Variants in CPEB3 observed in about 807,000 individuals in gnomAD.
CPEB3 encodes cytoplasmic polyadenylation element-binding protein 3.
CPEB3 carries 20 observed loss-of-function variants against 67.2 expected under a neutral mutation model. That is an observed-to-expected ratio of 0.30 (90% CI 0.21 to 0.43). The LOEUF (loss-of-function observed/expected upper bound fraction) is 0.43, where lower values mean the gene tolerates loss of function less well. Among genes scored for constraint, CPEB3 ranks in the 20% least tolerant of loss-of-function variants. The probability of loss-of-function intolerance (pLI) is 1.00; values close to 1 mark genes in which losing one functional copy is unlikely to be tolerated. For synonymous variants in CPEB3, 376 were observed against 393.1 expected (o/e 0.96, Z 0.51); for missense variants, 746 against 968.6 (o/e 0.77, Z 3.05).
chr10:92,076,936 C>T (rs1176585361), intron 9 of CPEB3, among the ~76,000 whole-genome samples: 3 of 151,740 alleles, frequency 2.0e-5, no homozygotes, highest in Non-Finnish European at 4.4e-5. Context: ...GACTGTGGCA[C>T]CTTGGAATCT....
chr10:92,219,958 T>G (rs1454686247), intron 2 of CPEB3, among the ~76,000 whole-genome samples: 1 of 152,134 alleles, frequency 6.6e-6, no homozygotes, highest in Non-Finnish European at 1.5e-5. Context: ...AGGAGTTCGA[T>G]ACCAGCCTGG....
intron 2 of CPEB3, among the ~76,000 whole-genome samples, chr10:92,236,724 G>A (rs1029097953): frequency 6.6e-6 from 1 of 151,518 alleles, no homozygotes; most frequent in Middle Eastern, 3.2e-3. Flanking sequence ...ACTCCACCCT[G>A]AGCAACAAAA....
rs1205313512 is a variant in CPEB3, at chr10:92,051,743, A to T, written c.*469T>A. 1 of 153,766 alleles carries T rather than the reference A, an allele frequency of 6.5e-6. No individual in the cohort carries two copies. Among genetic ancestry groups the T allele is most frequent in the Non-Finnish European group, 1.4e-5 (1 of 69,088 alleles). 9.5% of individuals were successfully genotyped at this position (153,766 alleles called of 1,614,324 possible). The stretch of plus-strand genomic sequence containing the variant: ...TGAATTGTTGTGAAGTTTTTGCTAC[A>T]TCTGCCACCTACTCACGAGTATTAC... On this transcript the variant is annotated 3_prime_UTR_variant, in exon 10 of 10. Coordinates refer to ENST00000265997, the MANE Select transcript of CPEB3 (RefSeq NM_014912.5).
chr10:92,125,035 C>T (rs1412185241), intron 6 of CPEB3, among the ~76,000 whole-genome samples: 1 of 152,230 alleles, frequency 6.6e-6, no homozygotes, highest in Non-Finnish European at 1.5e-5. Flanking sequence ...ATTGCATAAA[C>T]TTCCACAACT....
chr10:92,152,437 G>A (rs191590163), intron 4 of CPEB3, among the ~76,000 whole-genome samples: 140 of 152,276 alleles, frequency 9.2e-4, no homozygotes, highest in African/African-American at 3.0e-3. Flanking sequence ...TAATGTTTTC[G>A]AGGTTTATGT....
At chr10:92,134,244 A>T (rs1359276674) in intron 6 of CPEB3, among the ~76,000 whole-genome samples, 1 of 152,220 alleles carries the variant, frequency 6.6e-6, no homozygotes, top group Admixed American at 6.5e-5. Flanking sequence ...TTTGCAGATG[A>T]CATCATTGTA....
At chr10:92,240,704 A>C (rs777947611) in intron 1 of CPEB3, among the ~76,000 whole-genome samples, 1 of 152,160 alleles carries the variant, frequency 6.6e-6, no homozygotes, top group South Asian at 2.1e-4. Flanking sequence ...TTCGCCCTGC[A>C]ATGAGAAACT....
intron 1 of CPEB3, among the ~76,000 whole-genome samples, chr10:92,265,878 G>A (rs1232099578): frequency 6.6e-6 from 1 of 151,474 alleles, no homozygotes; most frequent in Admixed American, 6.6e-5. Context: ...TCCCCAGTGT[G>A]GCAGTGTTGA....
chr10:92,145,166 T>C, intron 4 of CPEB3, 81 bp from the exon 5 acceptor site: 1 of 1,531,366 alleles, frequency 6.5e-7, no homozygotes. Context: ...GGACAATAAA[T>C]GCTCTATTAG....
At chr10:92,244,069 G>A (rs575639645) in intron 1 of CPEB3, among the ~76,000 whole-genome samples, 8 of 152,120 alleles carry the variant, frequency 5.3e-5, no homozygotes, top group South Asian at 2.1e-4. Context: ...ATATGTTGCC[G>A]GGCAGGGTGG....
At chr10:92,166,911 G>C (rs1260891360) in intron 4 of CPEB3, among the ~76,000 whole-genome samples, 1 of 152,216 alleles carries the variant, frequency 6.6e-6, no homozygotes, top group East Asian at 1.9e-4. Flanking sequence ...GTTTAGGGTA[G>C]TCACCTTCAC....
chr10:92,179,723 A>G (rs559707404), intron 4 of CPEB3, among the ~76,000 whole-genome samples: 30 of 152,348 alleles, frequency 2.0e-4, no homozygotes, highest in South Asian at 6.2e-4. Context: ...AATCTAGAAA[A>G]AAATATGCAT....
chr10:92,145,193 G>C (rs1258127680), intron 4 of CPEB3, 108 bp from the exon 5 acceptor site: 2 of 1,250,002 alleles, frequency 1.6e-6, no homozygotes, highest in Non-Finnish European at 1.1e-6. Context: ...GAAGTGCAGA[G>C]AGAAGCATAC....
intron 1 of CPEB3, among the ~76,000 whole-genome samples, chr10:92,258,830 T>G (rs990423866): frequency 2.0e-5 from 3 of 151,512 alleles, no homozygotes; most frequent in Non-Finnish European, 2.9e-5. Flanking sequence ...GTAATTTTTT[T>G]GTATTTTTAG....
intron 8 of CPEB3, among the ~76,000 whole-genome samples, chr10:92,083,610 G>C (rs1843244988): frequency 6.6e-6 from 1 of 152,132 alleles, no homozygotes. Context: ...TGGGTTTAAT[G>C]AAATAAGTAA....
At chr10:92,112,567 C>A (rs909891726) in intron 6 of CPEB3, among the ~76,000 whole-genome samples, 12 of 152,188 alleles carry the variant, frequency 7.9e-5, no homozygotes, top group African/African-American at 2.9e-4. Flanking sequence ...TCACAAGGAG[C>A]AAAGGCCCAA....
chr10:92,137,532 C>T (rs778571850), intron 6 of CPEB3: 12 of 814,250 alleles, frequency 1.5e-5, no homozygotes, highest in Non-Finnish European at 2.5e-5. Flanking sequence ...CCAAGAAGTT[C>T]ATAAGGGACC....
intron 6 of CPEB3, among the ~76,000 whole-genome samples, chr10:92,116,283 T>C (rs1387115387): frequency 2.0e-5 from 3 of 150,670 alleles, no homozygotes; most frequent in African/African-American, 4.9e-5. Flanking sequence ...ATAATAATAA[T>C]ATGCACTTTC....
intron 6 of CPEB3, among the ~76,000 whole-genome samples, chr10:92,119,908 A>C (rs1451561192): frequency 1.3e-5 from 2 of 152,102 alleles, no homozygotes; most frequent in African/African-American, 4.8e-5. Context: ...CATTAAAGAA[A>C]AAAATCTAAG....
Sources: gnomAD v4.1 joint callset for allele counts (sites outside exome capture counted in the v4.1 genomes callset) on GRCh38, gnomAD v4.1.1 for gene constraint, MANE v1.5 for transcripts, NCBI Gene and HGNC (gene_info 2026-07-23, HGNC 2026-07-21) for gene names.